The following SRGAP2 variants were observed in gnomAD, a reference collection of about 807,000 sequenced individuals.
SRGAP2 encodes SLIT-ROBO Rho GTPase activating protein 2.
In SRGAP2, 15 loss-of-function variants were observed where a neutral mutation model predicts 57.2. That is an observed-to-expected ratio of 0.26 (90% confidence interval 0.18 to 0.40). The LOEUF (loss-of-function observed/expected upper bound fraction) is 0.40, where lower values mean the gene tolerates loss of function less well. Among genes scored for constraint, SRGAP2 ranks in the 10% least tolerant of loss-of-function variants. SRGAP2 has a pLI of 1.00. For synonymous variants in SRGAP2, 249 were observed against 248.0 expected, an observed-to-expected ratio of 1.00 and a Z score of -0.04; for missense variants, 520 against 669.6, an observed-to-expected ratio of 0.78 and a Z score of 2.47.
chr1:206,421,030 A>G (rs770466388), intron 12 of SRGAP2, among the ~76,000 whole-genome samples: 113 of 152,322 alleles, frequency 7.4e-4, no homozygotes, highest in Non-Finnish European at 1.5e-3. Context: ...GAGCTTTCGT[A>G]GGCTTTATTG....
At chr1:206,278,796 G>A (rs2102680500) in intron 2 of SRGAP2, among the ~76,000 whole-genome samples, 1 of 148,074 alleles carries the variant, frequency 6.8e-6, no homozygotes, top group South Asian at 2.1e-4. Context: ...TTCAGGCAGA[G>A]GAAACAGCCA....
intron 14 of SRGAP2, among the ~76,000 whole-genome samples, chr1:206,435,169 CT>C (rs1661618449): frequency 6.6e-6 from 1 of 152,192 alleles, no homozygotes; most frequent in African/African-American, 2.4e-5. Context: ...TATATTTCCT[CT>C]GCTTACTTTT....
At chr1:206,214,314 T>C (rs1666504871) in intron 2 of SRGAP2, among the ~76,000 whole-genome samples, 1 of 152,038 alleles carries the variant, frequency 6.6e-6, no homozygotes, top group Admixed American at 6.5e-5. Flanking sequence ...CTAAATACTT[T>C]ATATAGATTA....
chr1:206,336,056 T>A (rs1387525297), intron 3 of SRGAP2, among the ~76,000 whole-genome samples: 1 of 150,390 alleles, frequency 6.6e-6, no homozygotes, highest in Non-Finnish European at 1.5e-5. Flanking sequence ...TCAAAGCAGA[T>A]TCCTAAGGTC....
Position 206,454,124 on chromosome 1 carries a change from C to T in SRGAP2, c.2360+744C>T, listed in dbSNP as rs1663603144. On this transcript the variant is annotated intron_variant, in intron 20 of 22. Coordinates refer to ENST00000573034, the MANE Select transcript of SRGAP2 (RefSeq NM_015326.5). The surrounding 1 kb of genome is among the most constrained non-coding windows in gnomAD (Gnocchi z 4.3). ...TGCTGTCAGTGTTTTTAGTCCTTCC[C>T]TTAATATTATTTTTTAAAGGTTGAT... 1.4e-6 allele frequency: 1 copy of T among 702,536 alleles called. No homozygotes were observed. Among genetic ancestry groups the T allele is most frequent in the Non-Finnish European group, 2.6e-6 (1 of 384,970 alleles). 43.5% of individuals were successfully genotyped at this position (702,536 alleles called of 1,614,324 possible). A position where few individuals can be genotyped will look rare whatever the true frequency, so the allele number is the denominator to read the frequency against.
chr1:206,366,208 T>A (rs1653992494), intron 4 of SRGAP2, among the ~76,000 whole-genome samples: 1 of 152,252 alleles, frequency 6.6e-6, no homozygotes, highest in South Asian at 2.1e-4. Context: ...GTGTGCATGC[T>A]CTGGCTTGGA....
At chr1:206,314,257 C>T (rs1404468287) in intron 3 of SRGAP2, among the ~76,000 whole-genome samples, 7 of 151,792 alleles carry the variant, frequency 4.6e-5, no homozygotes, top group African/African-American at 1.7e-4. Context: ...GCCTCAGCCT[C>T]CTGAGTAGCT....
intron 4 of SRGAP2, among the ~76,000 whole-genome samples, chr1:206,382,663 C>T (rs1241582082): frequency 3.3e-5 from 5 of 151,956 alleles, no homozygotes; most frequent in Non-Finnish European, 5.9e-5. Context: ...AATAAACATA[C>T]ATTACTTTTG....
At chr1:206,431,574 G>A (rs1661277545) in intron 14 of SRGAP2, among the ~76,000 whole-genome samples, 1 of 152,206 alleles carries the variant, frequency 6.6e-6, no homozygotes, top group Admixed American at 6.5e-5. Flanking sequence ...CTGTTCATTA[G>A]CATACATTTC....
Position 206,289,312 on chromosome 1 carries a change from G to A in SRGAP2, c.68-13969G>A, listed in dbSNP as rs1372335949. Among the ~76,000 whole-genome samples, 10 of 137,966 alleles carry A rather than the reference G, an allele frequency of 7.2e-5. No individual in the cohort carries two copies. The South Asian group carries it at 8.9e-4, about 12-fold the overall frequency. 90.5% of individuals were successfully genotyped at this position (137,966 alleles called of 152,430 possible). A position where few individuals can be genotyped will look rare whatever the true frequency, so the allele number is the denominator to read the frequency against. On this transcript the variant is annotated intron_variant, in intron 2 of 22. Transcript: ENST00000573034. ...TTTTGAGACGGAGTCTCGCTCTGTC[G>A]CCCAGGCTGGAGTGCAGTGGTGCCA...
At chr1:206,369,165 CA>C (rs1553342170) in intron 4 of SRGAP2, among the ~76,000 whole-genome samples, 1 of 152,056 alleles carries the variant, frequency 6.6e-6, no homozygotes, top group African/African-American at 2.4e-5. Flanking sequence ...ATGGTGTTAA[CA>C]GATGCAAACT....
intron 13 of SRGAP2, among the ~76,000 whole-genome samples, chr1:206,421,660 G>T (rs1465527780): frequency 6.6e-6 from 1 of 152,120 alleles, no homozygotes; most frequent in East Asian, 1.9e-4. Context: ...AGACAATCTC[G>T]CTTTAAGTTG....
At chr1:206,443,241 A>G (rs2483063) in intron 17 of SRGAP2, among the ~76,000 whole-genome samples, 11,189 of 152,332 alleles carry the variant, frequency 0.073, 440 homozygotes, top group Middle Eastern at 0.085. Context: ...AACTGTAGAA[A>G]TACAGTAGAA....
chr1:206,422,454 A>G (rs556629173), intron 13 of SRGAP2, among the ~76,000 whole-genome samples: 1 of 152,120 alleles, frequency 6.6e-6, no homozygotes, highest in African/African-American at 2.4e-5. Context: ...TCTTTCTTCC[A>G]TAATTTCATT....
At chr1:206,331,624 T>C (rs1674362116) in intron 3 of SRGAP2, among the ~76,000 whole-genome samples, 1 of 139,710 alleles carries the variant, frequency 7.2e-6, no homozygotes, top group Admixed American at 7.2e-5. Context: ...GAGACTAGGA[T>C]TGCAACCCCT....
chr1:206,454,119 C>G lies in SRGAP2; in HGVS notation c.2360+739C>G. 1 of 702,114 alleles carries G rather than the reference C, an allele frequency of 1.4e-6. No homozygotes were observed. Among genetic ancestry groups the G allele is most frequent in the South Asian group, 1.5e-5 (1 of 67,532 alleles). The allele number at this position is 702,114 out of a possible 1,614,324, so 43.5% of individuals were successfully genotyped here. A position where few individuals can be genotyped will look rare whatever the true frequency, so the allele number is the denominator to read the frequency against. ...TACGATGCTGTCAGTGTTTTTAGTC[C>G]TTCCCTTAATATTATTTTTTAAAGG... On this transcript the variant is annotated intron_variant, in intron 20 of 22. Coordinates refer to ENST00000573034, the MANE Select transcript of SRGAP2 (RefSeq NM_015326.5). The surrounding 1 kb of genome is among the most constrained non-coding windows in gnomAD (Gnocchi z 4.3).
intron 13 of SRGAP2, among the ~76,000 whole-genome samples, chr1:206,421,713 A>C (rs550317947): frequency 6.6e-6 from 1 of 152,308 alleles, no homozygotes; most frequent in African/African-American, 2.4e-5. Flanking sequence ...GTCATTCTAG[A>C]TGGACTCCTA....
At chr1:206,399,064 C>T (rs1657893061) in intron 7 of SRGAP2, among the ~76,000 whole-genome samples, 1 of 152,180 alleles carries the variant, frequency 6.6e-6, no homozygotes, top group African/African-American at 2.4e-5. Flanking sequence ...GTGTTATCCT[C>T]ATTTGAGGCC....
At position 206,453,207 on chromosome 1, in the gene SRGAP2, G is replaced by A. The variant is rs782702098; in HGVS notation, c.2187G>A (p.Glu729=). Residue 729 remains glutamate, a synonymous_variant, in exon 20 of 23, where the codon GAG becomes GAA. Transcript: ENST00000573034. ...CTTTTCCACCCTTCTCAGAATGTGA[G>A]CCCATCGAGGCCATTGCCAAGTTTG... ...AEHHTSDDEC[E]PIEAIAKFDY... 3.8e-6 allele frequency: 2 copies of A among 531,136 alleles called. No homozygotes were observed. Among genetic ancestry groups the A allele is most frequent in the Admixed American group, 3.1e-5 (1 of 31,886 alleles). 32.9% of individuals were successfully genotyped at this position (531,136 alleles called of 1,614,324 possible).
Sources: gnomAD v4.1 joint callset for allele counts (sites outside exome capture counted in the v4.1 genomes callset) on GRCh38, gnomAD v4.1.1 for gene constraint, Gnocchi (gnomAD v3.1) non-coding constraint, MANE v1.5 for transcripts, NCBI Gene and HGNC (gene_info 2026-07-23, HGNC 2026-07-21) for gene names.